The following NOB1 variants were observed in gnomAD, a reference collection of about 807,000 sequenced individuals.
NOB1 encodes RNA-binding protein NOB1.
Under a neutral mutation model 44.8 loss-of-function variants are expected in NOB1, and 44 were observed. That is an observed-to-expected ratio of 0.98 (90% CI 0.77 to 1.26). The LOEUF (loss-of-function observed/expected upper bound fraction) is 1.26, where lower values mean the gene tolerates loss of function less well. NOB1 is among the 50% of genes most tolerant of loss of function. The pLI is 0.00. For synonymous variants in NOB1, 238 were observed against 218.7 expected (o/e 1.09, Z -0.78); for missense variants, 560 against 544.8 (o/e 1.03, Z -0.28).
rs1489901380 is a variant in NOB1 at position 69,754,920 on chromosome 16, G to A, written c.-10C>T. On this transcript the variant is annotated 5_prime_UTR_variant, in exon 1 of 9. It adds an upstream start codon to the 5' untranslated region. Transcript: ENST00000268802. ...GCTCCACTGGAGCCATGTTGGCTGC[G>A]TGAGAGGGGAGCGCGCATGCGCACG... 3.2e-6 allele frequency: 5 copies of A among 1,573,456 alleles called. No individual in the cohort carries two copies. The highest frequency in any genetic ancestry group is 1.7e-4 in the Middle Eastern group (1 of 5,964).
At chr16:69,745,106 G>C (rs1215325734) in intron 7 of NOB1, 89 bp from the exon 8 acceptor site, 1 of 1,402,670 alleles carries the variant, frequency 7.1e-7, no homozygotes, top group East Asian at 2.3e-5. Context: ...GGCCTCAGGA[G>C]AAGAAACAGG....
chr16:69,752,184 G>T, intron 3 of NOB1, 57 bp downstream of exon 3: 1 of 1,547,934 alleles, frequency 6.5e-7, no homozygotes. Flanking sequence ...TTCTACTTTT[G>T]TATACCTGAC....
At chr16:69,746,988 C>T (rs2038437149) in intron 7 of NOB1, among the ~76,000 whole-genome samples, 1 of 151,810 alleles carries the variant, frequency 6.6e-6, no homozygotes, top group African/African-American at 2.4e-5. Context: ...CTTTGGGAGG[C>T]TGAGTTCGGC....
At chr16:69,742,628 T>G (rs1423218193) in intron 8 of NOB1, 27 bp from the exon 9 acceptor site, 1 of 1,610,368 alleles carries the variant, frequency 6.2e-7, no homozygotes, top group Admixed American at 1.7e-5. Flanking sequence ...GAAGGGCCAT[T>G]AGAAGAAGGG....
chr16:69,745,138 C>G, intron 7 of NOB1, 121 bp from the exon 8 acceptor site: 1 of 1,009,676 alleles, frequency 9.9e-7, no homozygotes, highest in Non-Finnish European at 1.5e-6. Flanking sequence ...CCGCACCACA[C>G]ATGTCACAAA....
At chr16:69,743,970 T>C (rs987328101) in intron 8 of NOB1, among the ~76,000 whole-genome samples, 45 of 152,258 alleles carry the variant, frequency 3.0e-4, no homozygotes, top group African/African-American at 9.4e-4. Context: ...AATATGTACA[T>C]GTATAAAGAG....
At chr16:69,751,787 C>T (rs535546267) in intron 3 of NOB1, among the ~76,000 whole-genome samples, 22 of 152,156 alleles carry the variant, frequency 1.4e-4, no homozygotes, top group African/African-American at 2.2e-4. Flanking sequence ...TGAGGCCGGG[C>T]GCACTGGCTC....
In NOB1 at chr16:69,747,013, G is replaced by A. The variant is rs373865428; in HGVS notation, c.824+1219C>T. 2.6e-5 allele frequency among the ~76,000 whole-genome samples: 4 copies of A among 151,356 alleles called. No homozygotes were observed. The Admixed American group carries it at 2.6e-4, about 10-fold the overall frequency. The stretch of plus-strand genomic sequence containing the variant: ...CTGAGTTCGGCGGATCAGAGGTCAG[G>A]AGATCAACACTATCCTGGCTAACAC... On this transcript the variant is annotated intron_variant, in intron 7 of 8. Transcript: ENST00000268802.
chr16:69,745,779 T>C (rs903505289), intron 7 of NOB1, among the ~76,000 whole-genome samples: 7 of 152,248 alleles, frequency 4.6e-5, no homozygotes, highest in Admixed American at 2.6e-4. Flanking sequence ...CTGCGTGGAA[T>C]GGCTGGAGAA....
At chr16:69,745,048 C>A in intron 7 of NOB1, 31 bp from the exon 8 acceptor site, 1 of 1,610,994 alleles carries the variant, frequency 6.2e-7, no homozygotes, top group Non-Finnish European at 8.5e-7. Flanking sequence ...TGATCTGTAC[C>A]AAAGCCACAG....
At chr16:69,749,730 C>T in intron 3 of NOB1, 100 bp from the exon 4 acceptor site, 1 of 871,480 alleles carries the variant, frequency 1.1e-6, no homozygotes, top group Non-Finnish European at 1.7e-6. Flanking sequence ...GTAATCCCAG[C>T]ACTTTAGGAG....
chr16:69,754,604 G>A lies in NOB1; in HGVS notation c.186C>T (p.Tyr62=). The A allele has an allele frequency of 1.2e-6, 2 of 1,614,088 alleles. No homozygotes were observed. ...ELRFKEPLPE[Y]VRLVTEFSKK... ...GGCAGAGGCACTCACCCAGCCGCACGTATTCCGGTAAGGGCTCCTTGAACC... is the reference window on the plus strand; with the variant it reads ...GGCAGAGGCACTCACCCAGCCGCACATATTCCGGTAAGGGCTCCTTGAACC... Residue 62 remains tyrosine, a synonymous_variant, in exon 2 of 9, where the codon TAC becomes TAT. Coordinates refer to ENST00000268802, the MANE Select transcript of NOB1 (RefSeq NM_014062.3).
chr16:69,750,451 C>T (rs895632097), intron 3 of NOB1, among the ~76,000 whole-genome samples: 3 of 151,406 alleles, frequency 2.0e-5, no homozygotes, highest in Non-Finnish European at 2.9e-5. Context: ...AAAAGTGACA[C>T]CCTGTCTCTA....
rs118002214 is a variant in NOB1, at chr16:69,746,476, A to C, written c.825-1459T>G. On this transcript the variant is annotated intron_variant, in intron 7 of 8. Coordinates refer to ENST00000268802, the MANE Select transcript of NOB1 (RefSeq NM_014062.3). ...CACCACAGGAACCAACTCAAGAGTC[A>C]GAAAAGCAATGAGAGGTCAGTGGTC... Among the ~76,000 whole-genome samples the C allele has an allele frequency of 3.8e-3, 578 of 152,376 alleles. 10 individuals carry two copies. In the East Asian group the frequency reaches 0.067, roughly 18 times the overall value.
intron 7 of NOB1, among the ~76,000 whole-genome samples, 159 bp downstream of exon 7, chr16:69,748,070 CAGG>C (rs1348576156): frequency 9.2e-5 from 14 of 152,202 alleles, no homozygotes; most frequent in Non-Finnish European, 1.3e-4. Context: ...GAGGTTGAGG[CAGG>C]AGAATTGCTT....
Position 69,743,905 on chromosome 16 carries a change from G to C in NOB1, c.969+968C>G, listed in dbSNP as rs1448693445. On this transcript the variant is annotated intron_variant, in intron 8 of 8. Transcript: ENST00000268802. ...TGTGGTTACATAAGATAAAGTCCTT[G>C]TTTCAAGGCAAAAGGGCATTATGTG... 2.7e-4 allele frequency among the ~76,000 whole-genome samples: 41 copies of C among 152,196 alleles called. 1 individual carries two copies. The highest frequency in any genetic ancestry group is 4.4e-5 in the Non-Finnish European group (3 of 68,038).
intron 3 of NOB1, 143 bp from the exon 4 acceptor site, chr16:69,749,773 T>C: frequency 1.7e-6 from 1 of 590,972 alleles, no homozygotes; most frequent in South Asian, 2.3e-5. Context: ...AGGTCAGGAA[T>C]TGGAGACCAG....
In NOB1 at chr16:69,742,098, G is replaced by A; in HGVS notation, c.*234C>T. 2.0e-6 allele frequency: 1 copy of A among 498,736 alleles called. No homozygotes were observed. 30.9% of individuals were successfully genotyped at this position (498,736 alleles called of 1,614,324 possible). On this transcript the variant is annotated 3_prime_UTR_variant, in exon 9 of 9. Coordinates refer to ENST00000268802, the MANE Select transcript of NOB1 (RefSeq NM_014062.3). ...TTGGCTCCAGGGCGTTGTTCTTTCT[G>A]TTTTTATGCAATTGCACTTCCTTGG... is the stretch of plus-strand genomic sequence containing the variant.
At chr16:69,753,816 A>T (rs1460382198) in intron 2 of NOB1, among the ~76,000 whole-genome samples, 1 of 151,604 alleles carries the variant, frequency 6.6e-6, no homozygotes, top group African/African-American at 2.4e-5. Flanking sequence ...TTTATTTCTT[A>T]TTTTTTTTGA....
Sources: allele counts gnomAD v4.1 joint callset (sites outside exome capture counted in the v4.1 genomes callset), GRCh38; gene constraint gnomAD v4.1.1; transcripts MANE v1.5; gene names NCBI Gene and HGNC (gene_info 2026-07-23, HGNC 2026-07-21).